PRSS48: variants seen among roughly 807,000 people sequenced by gnomAD.
PRSS48 encodes epidermis-specific serine protease-like protein.
Under a neutral mutation model 25.6 loss-of-function variants are expected in PRSS48, and 21 were observed. That is an observed-to-expected ratio of 0.82 (90% CI 0.58 to 1.18). PRSS48 has a LOEUF of 1.18. Among genes scored for constraint, PRSS48 ranks in the 50% most tolerant of loss-of-function variants. PRSS48 has a pLI of 0.00. For synonymous variants in PRSS48, 150 were observed against 149.3 expected (o/e 1.00, Z -0.04); for missense variants, 373 against 399.3 (o/e 0.93, Z 0.56).
intron 4 of PRSS48, 135 bp downstream of exon 4, chr4:151,283,421 A>T: frequency 1.4e-6 from 1 of 702,280 alleles, no homozygotes; most frequent in Admixed American, 2.9e-5. Flanking sequence ...GTTACCCTGG[A>T]CAAATCACTT....
At chr4:151,287,783 G>A (rs555767424) in intron 4 of PRSS48, among the ~76,000 whole-genome samples, 7 of 152,280 alleles carry the variant, frequency 4.6e-5, no homozygotes, top group Non-Finnish European at 7.4e-5. Context: ...GGTAGGCTGC[G>A]GTGGGATGAT....
At chr4:151,281,322 G>C (rs754747204) in intron 2 of PRSS48, among the ~76,000 whole-genome samples, 14 of 152,100 alleles carry the variant, frequency 9.2e-5, no homozygotes, top group Non-Finnish European at 1.8e-4. Flanking sequence ...GAAGCAAAAC[G>C]TTTTATAAGA....
chr4:151,286,484 A>G (rs1056933731), intron 4 of PRSS48, among the ~76,000 whole-genome samples: 6 of 151,786 alleles, frequency 4.0e-5, no homozygotes, highest in Middle Eastern at 3.2e-3. Context: ...AAAAAATTAG[A>G]TAACTAAGAT....
At chr4:151,278,685 CA>C (rs1443624160) in intron 1 of PRSS48, among the ~76,000 whole-genome samples, 1 of 151,976 alleles carries the variant, frequency 6.6e-6, no homozygotes, top group Non-Finnish European at 1.5e-5. Context: ...GGCTGGAGTG[CA>C]GTGGCATGAT....
rs566098428 is a variant in PRSS48, at chr4:151,284,872, T to G, written c.651+1586T>G. ...GCTTGGAGTCTAACCTGCACATGTA[T>G]GTAATTCAGGGTGTATTCAGAAATT... is the stretch of plus-strand genomic sequence containing the variant. On this transcript the variant is annotated intron_variant, in intron 4 of 4. Transcript: ENST00000455694. Among the ~76,000 whole-genome samples the G allele has an allele frequency of 1.9e-4, 29 of 152,310 alleles. No individual in the cohort carries two copies. The East Asian group carries it at 5.0e-3, about 26-fold the overall frequency.
chr4:151,278,456 A>G (rs1315518443), intron 1 of PRSS48, among the ~76,000 whole-genome samples: 1 of 151,486 alleles, frequency 6.6e-6, no homozygotes, highest in Non-Finnish European at 1.5e-5. Flanking sequence ...AAAAGAAGAA[A>G]AAAAAAACCC....
chr4:151,282,459 G>A (rs1774346698), intron 3 of PRSS48, 46 bp downstream of exon 3: 1 of 1,598,292 alleles, frequency 6.3e-7, no homozygotes, highest in Non-Finnish European at 8.6e-7. Flanking sequence ...TCATCCTCTT[G>A]TACTCCAGAA....
intron 4 of PRSS48, among the ~76,000 whole-genome samples, chr4:151,286,982 AAATAATAAT>A (rs113584974): frequency 1.8e-4 from 25 of 141,834 alleles, no homozygotes; most frequent in African/African-American, 6.3e-4. Flanking sequence ...TCTGTCTCAA[AAATAATAAT>A]AATAATAATA....
intron 4 of PRSS48, among the ~76,000 whole-genome samples, chr4:151,290,104 G>A (rs1305210302): frequency 6.6e-6 from 1 of 152,142 alleles, no homozygotes; most frequent in African/African-American, 2.4e-5. Flanking sequence ...TGCCACCATA[G>A]CAGCTATTTA....
At chr4:151,280,860 T>A (rs955277000) in intron 2 of PRSS48, among the ~76,000 whole-genome samples, 3 of 151,886 alleles carry the variant, frequency 2.0e-5, no homozygotes, top group Admixed American at 6.6e-5. Context: ...CTAAAAAAAA[T>A]TTATTTCCAA....
At chr4:151,290,047 G>A (rs1775173640) in intron 4 of PRSS48, among the ~76,000 whole-genome samples, 2 of 152,194 alleles carry the variant, frequency 1.3e-5, no homozygotes, top group African/African-American at 2.4e-5. Context: ...CATGGCTCAA[G>A]CAATACTTCT....
Position 151,284,237 on chromosome 4 carries a change from T to G in PRSS48, c.651+951T>G, listed in dbSNP as rs78280409. On this transcript the variant is annotated intron_variant, in intron 4 of 4. Transcript: ENST00000455694. ...TTGTTAAGTTATACCTTTTGGTATT[T>G]TCACACAAGTCCATTTTATTTTTAT... Among the ~76,000 whole-genome samples, 238 of 152,376 alleles carry G rather than the reference T, an allele frequency of 1.6e-3. 1 individual carries two copies. Among genetic ancestry groups the G allele is most frequent in the African/African-American group, 5.4e-3 (225 of 41,596 alleles).
intron 2 of PRSS48, among the ~76,000 whole-genome samples, chr4:151,281,126 C>T (rs1398479635): frequency 1.6e-5 from 1 of 63,930 alleles, no homozygotes; most frequent in Non-Finnish European, 4.7e-5. Flanking sequence ...GGCTGTGCAG[C>T]AGCCCAGATT....
chr4:151,285,804 A>T (rs1452376241), intron 4 of PRSS48, among the ~76,000 whole-genome samples: 2 of 151,928 alleles, frequency 1.3e-5, no homozygotes, highest in Admixed American at 6.6e-5. Context: ...AAGTTCACAT[A>T]TGTAGTGAGC....
chr4:151,286,817 A>G (rs1774835188), intron 4 of PRSS48, among the ~76,000 whole-genome samples: 1 of 151,520 alleles, frequency 6.6e-6, no homozygotes, highest in Non-Finnish European at 1.5e-5. Flanking sequence ...CCATCTCTAC[A>G]AAAAATACAA....
chr4:151,279,869 GGTCA>G lies in PRSS48; in HGVS notation c.128_131del (p.Val43AlafsTer19). On this transcript the variant is annotated frameshift_variant, in exon 2 of 5. Transcript: ENST00000455694. LOFTEE classifies it high-confidence loss of function. Reference sequence around the variant, plus strand: ...CTGCTGCAGGGCGCTGGCCTTGGCAGGTCAGCCTACACTTTGACCACAACTTTAT... The same window carrying G: ...CTGCTGCAGGGCGCTGGCCTTGGCAGGCCTACACTTTGACCACAACTTTAT... 1 of 1,613,886 alleles carries G rather than the reference GGTCA, an allele frequency of 6.2e-7. No homozygotes were observed. The highest frequency in any genetic ancestry group is 8.5e-7 in the Non-Finnish European group (1 of 1,179,864).
exon 5 of PRSS48, chr4:151,291,384 A>G (rs1443907457): frequency 2.5e-6 from 4 of 1,613,908 alleles, no homozygotes; most frequent in Non-Finnish European, 3.4e-6. Context: ...TAGGCACTGT[A>G]GCTGAAGCTG....
chr4:151,288,110 G>T (rs1242963107), intron 4 of PRSS48, among the ~76,000 whole-genome samples: 7 of 151,700 alleles, frequency 4.6e-5, no homozygotes, highest in Admixed American at 1.3e-4. Context: ...ACTCAACAAT[G>T]AGATGAGTGG....
chr4:151,283,022 G>C (rs1276352251), intron 3 of PRSS48, 95 bp from the exon 4 acceptor site: 5 of 1,108,054 alleles, frequency 4.5e-6, no homozygotes, highest in Non-Finnish European at 6.5e-6. Flanking sequence ...GCTGCTTTTG[G>C]ATTCCCATTC....
Sources: gnomAD v4.1 joint callset for allele counts (sites outside exome capture counted in the v4.1 genomes callset) on GRCh38, gnomAD v4.1.1 for gene constraint, MANE v1.5 for transcripts, NCBI Gene and HGNC (gene_info 2026-07-23, HGNC 2026-07-21) for gene names.